Variants in MYOF observed in about 807,000 individuals in gnomAD.
MYOF encodes the protein myoferlin, also known as fer-1-like 3, myoferlin.
Under a neutral mutation model 284.2 loss-of-function variants are expected in MYOF, and 244 were observed. That is an observed-to-expected ratio of 0.86 (90% CI 0.77 to 0.95). The LOEUF is 0.95. Ranked by LOEUF, MYOF falls within the 40% of genes least tolerant of loss-of-function variation. The probability of loss-of-function intolerance (pLI) is 0.00; values close to 1 mark genes in which losing one functional copy is unlikely to be tolerated. For synonymous variants in MYOF, 904 were observed against 919.7 expected, an observed-to-expected ratio of 0.98 and a Z score of 0.31; for missense variants, 2,496 against 2,560.6, an observed-to-expected ratio of 0.97 and a Z score of 0.54.
Position 93,307,198 on chromosome 10 carries a change from C to A in MYOF, c.6148-197G>T, listed in dbSNP as rs865934864. Among the ~76,000 whole-genome samples, 57 of 151,542 alleles carry A rather than the reference C, an allele frequency of 3.8e-4. 1 individual carries two copies. Among genetic ancestry groups the A allele is most frequent in the Admixed American group, 2.0e-3 (31 of 15,218 alleles). ...CCGAGTGCCAGTAGCACCCCCCCGC[C>A]AAGTTGTTGCAACCAAAATGTCTCC... On this transcript the variant is annotated intron_variant, in intron 53 of 53. Transcript: ENST00000359263.
At chr10:93,388,989 A>G (rs368951835) in intron 18 of MYOF, 41 bp downstream of exon 18, 11 of 1,603,032 alleles carry the variant, frequency 6.9e-6, no homozygotes, top group Non-Finnish European at 9.4e-6. Context: ...TAATCACCTT[A>G]ACCAATGCTG....
chr10:93,348,458 C>T (rs1844343937), intron 36 of MYOF, among the ~76,000 whole-genome samples: 1 of 152,156 alleles, frequency 6.6e-6, no homozygotes, highest in African/African-American at 2.4e-5. Flanking sequence ...GTATGTGGTT[C>T]AGGTGAATTT....
At chr10:93,459,453 A>G (rs1245966133) in intron 1 of MYOF, among the ~76,000 whole-genome samples, 3 of 152,362 alleles carry the variant, frequency 2.0e-5, no homozygotes, top group Non-Finnish European at 2.9e-5. Context: ...CCAGGTAAAC[A>G]TGGTCATTCC....
intron 40 of MYOF, 122 bp from the exon 41 acceptor site, chr10:93,336,168 G>T: frequency 9.1e-7 from 1 of 1,103,848 alleles, no homozygotes; most frequent in Non-Finnish European, 1.3e-6. Context: ...CTCCCAAATC[G>T]CTGGCGGGAG....
intron 4 of MYOF, among the ~76,000 whole-genome samples, chr10:93,429,666 T>C (rs1483837997): frequency 6.6e-6 from 1 of 152,238 alleles, no homozygotes; most frequent in Non-Finnish European, 1.5e-5. Context: ...TTCTCTCATA[T>C]GGCTGTTGAG....
chr10:93,356,921 T>C, intron 29 of MYOF, 73 bp from the exon 30 acceptor site: 1 of 1,415,968 alleles, frequency 7.1e-7, no homozygotes, highest in Non-Finnish European at 9.6e-7. Context: ...AAACAGGTTA[T>C]ATGATCAATC....
In MYOF at chr10:93,462,590, T is replaced by C. The variant is rs563971425; in HGVS notation, c.89-5653A>G. ...CTGCACCTCCCATTTCCCTAGCTAATAAGGAAAAACTAAGTGGCTGGCATT... is the reference window on the plus strand; with the variant it reads ...CTGCACCTCCCATTTCCCTAGCTAACAAGGAAAAACTAAGTGGCTGGCATT... On this transcript the variant is annotated intron_variant, in intron 1 of 53. Transcript: ENST00000359263. Among the ~76,000 whole-genome samples, 5 of 152,088 alleles carry C rather than the reference T, an allele frequency of 3.3e-5. No individual in the cohort carries two copies. In the East Asian group the frequency reaches 7.7e-4, roughly 23 times the overall value.
At chr10:93,378,691 G>A (rs866767906) in intron 21 of MYOF, among the ~76,000 whole-genome samples, 1 of 42,252 alleles carries the variant, frequency 2.4e-5, no homozygotes, top group Non-Finnish European at 4.5e-5. Context: ...ATGTGTGTGT[G>A]TGTATATATA....
At chr10:93,359,459 T>C (rs1844966093) in intron 29 of MYOF, among the ~76,000 whole-genome samples, 1 of 152,240 alleles carries the variant, frequency 6.6e-6, no homozygotes, top group South Asian at 2.1e-4. Flanking sequence ...TTTGAATCTT[T>C]ACACATCTTG....
intron 53 of MYOF, among the ~76,000 whole-genome samples, chr10:93,308,997 C>A (rs145636321): frequency 6.1e-4 from 93 of 152,262 alleles, no homozygotes; most frequent in Middle Eastern, 3.4e-3. Flanking sequence ...CAGGCATGAG[C>A]CACCTCGCCC....
intron 20 of MYOF, among the ~76,000 whole-genome samples, chr10:93,380,536 C>T (rs1846064323): frequency 6.6e-6 from 1 of 152,160 alleles, no homozygotes; most frequent in Non-Finnish European, 1.5e-5. Flanking sequence ...TCTGGCAATA[C>T]TGTTGGGAAA....
chr10:93,373,467 C>T (rs1845686064), intron 23 of MYOF, among the ~76,000 whole-genome samples: 1 of 152,138 alleles, frequency 6.6e-6, no homozygotes, highest in Non-Finnish European at 1.5e-5. Context: ...GAGTCTCTGG[C>T]TCACCATCCA....
chr10:93,338,912 GAAATAATAACGCCAAAAAA>G (rs533674528), intron 39 of MYOF, among the ~76,000 whole-genome samples: 3 of 146,382 alleles, frequency 2.0e-5, no homozygotes, highest in African/African-American at 7.6e-5. Context: ...ACCTACCTTG[GAAATAATAACGCCAAAAAA>G]AAAAACAAAC....
intron 2 of MYOF, among the ~76,000 whole-genome samples, chr10:93,454,987 T>TAAAAAA (rs56013436): frequency 1.7e-5 from 1 of 58,652 alleles, no homozygotes; most frequent in Non-Finnish European, 3.1e-5. Context: ...TTTTTTTAAT[T>TAAAAAA]AAAAAAAAAA....
chr10:93,401,636 T>C (rs1847297789), intron 11 of MYOF, 92 bp from the exon 12 acceptor site: 7 of 1,498,340 alleles, frequency 4.7e-6, no homozygotes, highest in South Asian at 3.8e-5. Context: ...CCATTCAGAA[T>C]CGTTTCCATT....
chr10:93,373,586 C>G (rs1845693270), intron 23 of MYOF, among the ~76,000 whole-genome samples: 1 of 136,146 alleles, frequency 7.3e-6, no homozygotes, highest in Admixed American at 7.5e-5. Context: ...CCTATTGGCA[C>G]ACAGTGGTAT....
Position 93,313,029 on chromosome 10 carries a change from G to A in MYOF, c.5880C>T (p.Arg1960=), listed in dbSNP as rs530974439. 66 of 1,609,180 alleles carry A rather than the reference G, an allele frequency of 4.1e-5. No individual in the cohort carries two copies. In the East Asian group the frequency reaches 4.5e-4, roughly 11 times the overall value. The change falls in exon 51 of 54, where the codon CGC becomes CGT. Residue 1960 remains arginine (R), a synonymous_variant. Transcript: ENST00000359263. The part of the protein sequence containing the change: ...WPCYAEKDGA[R]VMAGKVEMTL... ...CAGGAAATGTTCATACAGCCATTAC[G>A]CGGGCGCCATCTTTCTCTGCGTAGC...
At chr10:93,480,437 T>A (rs11187453) in intron 1 of MYOF, among the ~76,000 whole-genome samples, 24,677 of 147,798 alleles carry the variant, frequency 0.17, 2,336 homozygotes, top group East Asian at 0.5. Flanking sequence ...CCCTTTAGAT[T>A]TTTTTTTTAA....
rs1189467302 is a variant in MYOF at position 93,321,481 on chromosome 10, T to G, written c.5457-1468A>C. Among the ~76,000 whole-genome samples the G allele has an allele frequency of 2.1e-5, 3 of 140,944 alleles. No homozygotes were observed. In the South Asian group the frequency reaches 7.7e-4, roughly 36 times the overall value. 92.5% of individuals were successfully genotyped at this position (140,944 alleles called of 152,430 possible). On this transcript the variant is annotated intron_variant, in intron 48 of 53. Transcript: ENST00000359263. The stretch of plus-strand genomic sequence containing the variant: ...ATGCTGCCCAGCCTGGACTTCAAAC[T>G]ACGGGGCTCAAGTGATCCTCCTGCC...
Sources: gnomAD v4.1 joint callset for allele counts (sites outside exome capture counted in the v4.1 genomes callset) on GRCh38, gnomAD v4.1.1 for gene constraint, MANE v1.5 for transcripts, NCBI Gene and HGNC (gene_info 2026-07-23, HGNC 2026-07-21) for gene names.